RAD51B: variants seen among roughly 807,000 people sequenced by gnomAD.
RAD51B encodes DNA repair protein RAD51 homolog 2.
A neutral mutation model predicts 42.2 loss-of-function variants in RAD51B; 38 were observed. The observed-to-expected ratio is 0.90, with a 90% CI of 0.70 to 1.18. The LOEUF is 1.18. RAD51B is among the 50% of genes most tolerant of loss of function. The pLI is 0.00. For missense variants in RAD51B, 373 were observed against 400.7 expected (o/e 0.93, Z 0.59); for synonymous variants, 154 against 145.2 (o/e 1.06, Z -0.43).
intron 7 of RAD51B, among the ~76,000 whole-genome samples, chr14:67,977,438 A>C (rs1482694291): frequency 6.6e-6 from 1 of 152,256 alleles, no homozygotes; most frequent in African/African-American, 2.4e-5. Flanking sequence ...CCGGCCAACT[A>C]TCAGAATTGG....
At chr14:68,343,982 T>G (rs540133561) in intron 8 of RAD51B, among the ~76,000 whole-genome samples, 80 of 152,328 alleles carry the variant, frequency 5.3e-4, no homozygotes, top group Non-Finnish European at 9.7e-4. Context: ...TCCCCTAGAT[T>G]TCAGAGGATG....
chr14:68,423,577 T>C (rs1025855109), intron 9 of RAD51B, among the ~76,000 whole-genome samples: 2 of 152,208 alleles, frequency 1.3e-5, no homozygotes, highest in African/African-American at 4.8e-5. Context: ...CCTTTGCCTC[T>C]CCCTCCCCCA....
intron 7 of RAD51B, among the ~76,000 whole-genome samples, chr14:68,044,257 T>G (rs1038417523): frequency 1.8e-4 from 27 of 152,206 alleles, no homozygotes; most frequent in African/African-American, 6.3e-4. Flanking sequence ...AACCAAAGGA[T>G]ATGAAGTGTT....
chr14:68,155,182 T>C (rs948404778), intron 7 of RAD51B, among the ~76,000 whole-genome samples: 2 of 151,584 alleles, frequency 1.3e-5, no homozygotes, highest in African/African-American at 4.9e-5. Context: ...TATCATAGTA[T>C]AGTATTATAT....
chr14:68,253,449 A>G (rs567937032), intron 7 of RAD51B, among the ~76,000 whole-genome samples: 193 of 152,112 alleles, frequency 1.3e-3, no homozygotes, highest in Non-Finnish European at 2.3e-3. Context: ...GTATTGGCTT[A>G]TACAGTAAGG....
At chr14:67,993,554 G>GT (rs2075332411) in intron 7 of RAD51B, among the ~76,000 whole-genome samples, 1 of 152,096 alleles carries the variant, frequency 6.6e-6, no homozygotes, top group African/African-American at 2.4e-5. Flanking sequence ...ATATTACTCC[G>GT]TTTTGTGTAT....
At position 68,506,704 on chromosome 14, in the gene RAD51B, TG is replaced by T. The variant is rs375095335; in HGVS notation, c.1036+38461del. ...TCTCATTTATACATTGAAAGGCGGGTGGGGGGGACAAAGGAGAAGGTTTGGG... is the reference window on the plus strand; with the variant it reads ...TCTCATTTATACATTGAAAGGCGGGTGGGGGGACAAAGGAGAAGGTTTGGG... On this transcript the variant is annotated intron_variant, in intron 10 of 10. Coordinates refer to the RAD51B transcript ENST00000487270. Among the ~76,000 whole-genome samples the T allele has an allele frequency of 3.4e-4, 51 of 151,188 alleles. 1 individual carries two copies. The highest frequency in any genetic ancestry group is 1.2e-3 in the African/African-American group (50 of 41,140).
chr14:68,256,894 G>A (rs1049310728), intron 7 of RAD51B, among the ~76,000 whole-genome samples: 1 of 152,130 alleles, frequency 6.6e-6, no homozygotes, highest in African/African-American at 2.4e-5. Flanking sequence ...GGATATTAAA[G>A]TTAAAGTTAA....
chr14:68,033,967 T>C (rs569246218), intron 7 of RAD51B, among the ~76,000 whole-genome samples: 5 of 152,312 alleles, frequency 3.3e-5, no homozygotes, highest in South Asian at 2.1e-4. Context: ...CATTTGATTG[T>C]TGTTCCTAAG....
chr14:68,637,088 C>CT (rs147488212), intron 10 of RAD51B, among the ~76,000 whole-genome samples: 4 of 151,714 alleles, frequency 2.6e-5, no homozygotes, highest in Admixed American at 1.3e-4. Context: ...TCTTAACAAA[C>CT]TTTTTTTTTC....
intron 7 of RAD51B, among the ~76,000 whole-genome samples, chr14:68,226,423 A>C (rs569910192): frequency 2.0e-5 from 3 of 152,328 alleles, no homozygotes; most frequent in Admixed American, 6.5e-5. Context: ...CTCACCTTGA[A>C]TTGTAGCTCC....
chr14:68,473,724 T>C (rs1281490370), intron 10 of RAD51B, among the ~76,000 whole-genome samples: 1 of 152,212 alleles, frequency 6.6e-6, no homozygotes, highest in Non-Finnish European at 1.5e-5. Flanking sequence ...TTTTTTTTAT[T>C]TACAGGAATG....
intron 7 of RAD51B, among the ~76,000 whole-genome samples, chr14:68,187,108 G>A (rs1313552809): frequency 6.6e-6 from 1 of 152,048 alleles, no homozygotes; most frequent in African/African-American, 2.4e-5. Flanking sequence ...GCAGGAACAC[G>A]AAACCAAATA....
At chr14:68,211,358 A>T (rs1396569289) in intron 7 of RAD51B, among the ~76,000 whole-genome samples, 1 of 152,122 alleles carries the variant, frequency 6.6e-6, no homozygotes, top group East Asian at 1.9e-4. Flanking sequence ...ATTGAAACCA[A>T]TGTTTGGAGA....
intron 7 of RAD51B, among the ~76,000 whole-genome samples, chr14:68,156,691 G>C (rs997920884): frequency 3.3e-5 from 5 of 151,990 alleles, no homozygotes; most frequent in African/African-American, 1.2e-4. Context: ...TAAAATGTTT[G>C]AACTATAATG....
At chr14:68,288,471 C>T (rs2081455099) in intron 7 of RAD51B, among the ~76,000 whole-genome samples, 1 of 152,180 alleles carries the variant, frequency 6.6e-6, no homozygotes. Context: ...TTTTCTTCCC[C>T]ATCTACTCTT....
At chr14:68,384,477 G>A (rs965515556) in intron 8 of RAD51B, among the ~76,000 whole-genome samples, 1 of 152,192 alleles carries the variant, frequency 6.6e-6, no homozygotes, top group African/African-American at 2.4e-5. Flanking sequence ...AGAGGCACAG[G>A]GCAGTAGATA....
intron 7 of RAD51B, among the ~76,000 whole-genome samples, chr14:68,072,139 A>G (rs1391405704): frequency 7.6e-6 from 1 of 132,396 alleles, no homozygotes; most frequent in Non-Finnish European, 1.6e-5. Context: ...ATATAATTAT[A>G]TATATATTTT....
intron 7 of RAD51B, among the ~76,000 whole-genome samples, chr14:67,910,355 G>A (rs1470952799): frequency 3.1e-5 from 2 of 65,322 alleles, no homozygotes; most frequent in African/African-American, 2.7e-4. Flanking sequence ...GCAGTGAGCC[G>A]AGATCGCGCC....
Sources: allele counts gnomAD v4.1 joint callset (sites outside exome capture counted in the v4.1 genomes callset), GRCh38; gene constraint gnomAD v4.1.1; transcripts MANE v1.5; gene names NCBI Gene and HGNC (gene_info 2026-07-23, HGNC 2026-07-21).